CSMD1: variants seen among roughly 807,000 people sequenced by gnomAD.
CSMD1 encodes the protein CUB and sushi domain-containing protein 1.
Under a neutral mutation model 417.5 loss-of-function variants are expected in CSMD1, and 213 were observed. The observed-to-expected ratio is 0.51, with a 90% CI of 0.46 to 0.57. The LOEUF is 0.57. Among genes scored for constraint, CSMD1 ranks in the 20% least tolerant of loss-of-function variants. The probability of loss-of-function intolerance (pLI) is 0.00; values close to 1 mark genes in which losing one functional copy is unlikely to be tolerated. For synonymous variants in CSMD1, 2,862 were observed against 1,736.8 expected (o/e 1.65, Z -16.11); for missense variants, 6,923 against 4,529.7 (o/e 1.53, Z -15.17).
intron 3 of CSMD1, among the ~76,000 whole-genome samples, chr8:4,406,391 A>G (rs953078494): frequency 2.8e-4 from 42 of 152,224 alleles, no homozygotes; most frequent in African/African-American, 9.6e-4. Flanking sequence ...ATGAAACTCA[A>G]CTTTTACTTC....
At chr8:3,459,007 GTTT>G (rs1563058721) in intron 12 of CSMD1, among the ~76,000 whole-genome samples, 8 of 152,222 alleles carry the variant, frequency 5.3e-5, no homozygotes, top group Non-Finnish European at 7.3e-5. Context: ...GGGAAGGGTT[GTTT>G]CCTACCCGCA....
chr8:3,571,689 C>A (rs544613532), intron 10 of CSMD1, among the ~76,000 whole-genome samples: 2 of 152,080 alleles, frequency 1.3e-5, no homozygotes, highest in East Asian at 3.9e-4. Flanking sequence ...TTCCTCCCTC[C>A]CCATGCTTGA....
intron 3 of CSMD1, among the ~76,000 whole-genome samples, chr8:4,337,432 C>G (rs1029909309): frequency 2.0e-5 from 3 of 152,252 alleles, no homozygotes; most frequent in Non-Finnish European, 4.4e-5. Context: ...TTAGCCTTCT[C>G]TGTTAAATCT....
intron 2 of CSMD1, among the ~76,000 whole-genome samples, chr8:4,478,119 G>C (rs890948138): frequency 6.6e-6 from 1 of 152,058 alleles, no homozygotes; most frequent in Non-Finnish European, 1.5e-5. Context: ...TGGCTGTTAC[G>C]TTCACAGGCC....
chr8:4,113,064 A>C (rs1285088963), intron 3 of CSMD1, among the ~76,000 whole-genome samples: 3 of 152,102 alleles, frequency 2.0e-5, no homozygotes, highest in Non-Finnish European at 4.4e-5. Flanking sequence ...GATGCCACAA[A>C]CACCCCCATG....
intron 5 of CSMD1, among the ~76,000 whole-genome samples, chr8:3,808,476 G>A (rs1328091977): frequency 6.6e-6 from 1 of 152,114 alleles, no homozygotes; most frequent in African/African-American, 2.4e-5. Flanking sequence ...ATACTTTTCA[G>A]TAATATGTTT....
intron 1 of CSMD1, among the ~76,000 whole-genome samples, chr8:4,976,768 T>G (rs75293043): frequency 0.035 from 5,361 of 152,262 alleles, 118 homozygotes; most frequent in Middle Eastern, 0.15. Context: ...ATGGCAAATG[T>G]GATATGGTAG....
intron 1 of CSMD1, among the ~76,000 whole-genome samples, chr8:4,682,975 T>C (rs1806142861): frequency 6.9e-6 from 1 of 145,428 alleles, no homozygotes; most frequent in South Asian, 2.2e-4. Context: ...TATATATATA[T>C]ATATATATAT....
chr8:2,954,343 G>C (rs903211115), intron 64 of CSMD1, 75 bp from the exon 65 acceptor site: 2 of 893,696 alleles, frequency 2.2e-6, no homozygotes, highest in East Asian at 2.8e-5. Context: ...ATGTCAAATT[G>C]AAGCAATTTT....
intron 26 of CSMD1, among the ~76,000 whole-genome samples, chr8:3,231,472 T>C (rs572498908): frequency 6.4e-4 from 98 of 152,320 alleles, no homozygotes; most frequent in Non-Finnish European, 1.0e-3. Context: ...CGTTTTGTTT[T>C]GTAAATTCTG....
chr8:4,689,530 A>G (rs989665357), intron 1 of CSMD1, among the ~76,000 whole-genome samples: 1 of 152,222 alleles, frequency 6.6e-6, no homozygotes, highest in South Asian at 2.1e-4. Flanking sequence ...GTTTTAAAGT[A>G]TCATAAGGAT....
At chr8:3,763,908 T>C (rs1798136198) in intron 5 of CSMD1, among the ~76,000 whole-genome samples, 1 of 152,126 alleles carries the variant, frequency 6.6e-6, no homozygotes, top group Non-Finnish European at 1.5e-5. Flanking sequence ...TATCTCCTTA[T>C]CTTAATAACC....
intron 3 of CSMD1, among the ~76,000 whole-genome samples, chr8:4,248,871 A>G (rs1361848419): frequency 6.6e-6 from 1 of 151,124 alleles, no homozygotes; most frequent in African/African-American, 2.4e-5. Context: ...AAAGTCACTC[A>G]ACAGTTTTCT....
chr8:3,831,563 C>G (rs1473731983), intron 5 of CSMD1, among the ~76,000 whole-genome samples: 1 of 152,114 alleles, frequency 6.6e-6, no homozygotes, highest in East Asian at 1.9e-4. Context: ...TGCCTCTGTG[C>G]TCACTACAGC....
chr8:4,158,541 C>T (rs1024830255), intron 3 of CSMD1, among the ~76,000 whole-genome samples: 12 of 152,114 alleles, frequency 7.9e-5, no homozygotes, highest in Non-Finnish European at 1.5e-4. Context: ...TTAACACAGC[C>T]GCTAGGTTGT....
chr8:4,470,591 C>T (rs1800470898), intron 2 of CSMD1, among the ~76,000 whole-genome samples: 1 of 152,170 alleles, frequency 6.6e-6, no homozygotes, highest in Non-Finnish European at 1.5e-5. Flanking sequence ...ATATAACTGC[C>T]AAACACTGGT....
At position 3,998,204 on chromosome 8, in the gene CSMD1, A is replaced by G. The variant is rs187530965; in HGVS notation, c.611-94T>C. On this transcript the variant is annotated intron_variant, in intron 4 of 69. Coordinates refer to ENST00000635120, the MANE Select transcript of CSMD1 (RefSeq NM_033225.6). ...AAGTGTCACTCTTGATCAGCGACAA[A>G]TATTTTCTGAACCCAAAATTGAGAC... is the stretch of plus-strand genomic sequence containing the variant. The G allele has an allele frequency of 2.4e-5, 28 of 1,148,350 alleles. No homozygotes were observed. In the East Asian group the frequency reaches 5.2e-4, roughly 21 times the overall value. 71.1% of individuals were successfully genotyped at this position (1,148,350 alleles called of 1,614,324 possible).
chr8:4,827,678 A>G (rs553555729), intron 1 of CSMD1, among the ~76,000 whole-genome samples: 5 of 152,290 alleles, frequency 3.3e-5, no homozygotes, highest in African/African-American at 7.2e-5. Flanking sequence ...TGATTTAGTG[A>G]AAAACATCCA....
chr8:4,821,102 G>C (rs1333033687), intron 1 of CSMD1, among the ~76,000 whole-genome samples: 2 of 152,084 alleles, frequency 1.3e-5, no homozygotes, highest in Non-Finnish European at 2.9e-5. Context: ...ATACCAGATT[G>C]ATACTTAAGA....
Sources: allele counts gnomAD v4.1 joint callset (sites outside exome capture counted in the v4.1 genomes callset), GRCh38; gene constraint gnomAD v4.1.1; transcripts MANE v1.5; gene names NCBI Gene and HGNC (gene_info 2026-07-23, HGNC 2026-07-21).